ZPBP: variants seen among roughly 807,000 people sequenced by gnomAD.
ZPBP encodes the protein zona pellucida binding protein.
ZPBP carries 26 observed loss-of-function variants against 44.8 expected under a neutral mutation model. The observed-to-expected ratio is 0.58, with a 90% CI of 0.43 to 0.81. The LOEUF is 0.81. Ranked by LOEUF, ZPBP falls within the 30% of genes least tolerant of loss-of-function variation. The pLI is 0.00. For missense variants in ZPBP, 409 were observed against 434.0 expected (o/e 0.94, Z 0.51); for synonymous variants, 174 against 153.2 (o/e 1.14, Z -1.00).
At chr7:50,072,603 C>A (rs1223937980) in intron 3 of ZPBP, among the ~76,000 whole-genome samples, 1 of 152,200 alleles carries the variant, frequency 6.6e-6, no homozygotes, top group Non-Finnish European at 1.5e-5. Context: ...TATTGTCACT[C>A]AACCTCCAAC....
chr7:50,008,179 G>T (rs763804036), intron 6 of ZPBP, among the ~76,000 whole-genome samples: 1 of 151,964 alleles, frequency 6.6e-6, no homozygotes, highest in Non-Finnish European at 1.5e-5. Flanking sequence ...CTGCAAACTT[G>T]CAGGACAGTA....
At chr7:49,848,259 CAG>C (rs548567978), downstream of ZPBP, among the ~76,000 whole-genome samples, 108 of 152,288 alleles carry the variant, frequency 7.1e-4, 1 homozygote, top group Middle Eastern at 3.4e-3. Context: ...ACTAGCTGTC[CAG>C]AGAGTGTCAC....
chr7:49,925,726 G>C (rs1269747910), intron 1 of ZPBP, among the ~76,000 whole-genome samples: 1 of 152,176 alleles, frequency 6.6e-6, no homozygotes, highest in African/African-American at 2.4e-5. Context: ...CAGTCTTTTG[G>C]TCTTTCCTTC....
chr7:50,089,196 T>C (rs1224768658), intron 2 of ZPBP, among the ~76,000 whole-genome samples: 2 of 152,108 alleles, frequency 1.3e-5, no homozygotes, highest in African/African-American at 2.4e-5. Flanking sequence ...AATTGAATTG[T>C]GCACTTTAAA....
At chr7:50,081,541 A>G (rs1456391340) in intron 3 of ZPBP, among the ~76,000 whole-genome samples, 1 of 151,832 alleles carries the variant, frequency 6.6e-6, no homozygotes, top group Non-Finnish European at 1.5e-5. Flanking sequence ...GGGGGATTAT[A>G]GATGCTTTGA....
chr7:50,008,911 A>C (rs1042416049), intron 6 of ZPBP, among the ~76,000 whole-genome samples: 2 of 151,998 alleles, frequency 1.3e-5, no homozygotes, highest in Non-Finnish European at 2.9e-5. Context: ...CACAGTGCTC[A>C]TTTTGCAATA....
rs192000319 is a variant in ZPBP at position 50,050,853 on chromosome 7, T to C, written c.487+7136A>G. ...AAACCCTAGAAGAAAACCTAGGCAA[T>C]ACCATTCAGGACATAGGCACAGGCA... On this transcript the variant is annotated intron_variant, in intron 4 of 7. Transcript: ENST00000046087. Among the ~76,000 whole-genome samples the C allele has an allele frequency of 4.8e-3, 412 of 86,732 alleles. 3 individuals carry two copies. Among genetic ancestry groups the C allele is most frequent in the African/African-American group, 0.017 (381 of 22,300 alleles). The allele number at this position is 86,732 out of a possible 152,430, so 56.9% of individuals were successfully genotyped here. A position where few individuals can be genotyped will look rare whatever the true frequency, so the allele number is the denominator to read the frequency against.
At chr7:50,088,639 A>G (rs891483312) in intron 2 of ZPBP, among the ~76,000 whole-genome samples, 1 of 152,040 alleles carries the variant, frequency 6.6e-6, no homozygotes, top group Admixed American at 6.6e-5. Context: ...ATATCCATAC[A>G]GCCACAAAGC....
In ZPBP at chr7:50,093,098, A is replaced by C. The variant is rs762922010; in HGVS notation, c.97T>G (p.Ser33Ala). ...GAGGGCACCCGCACCAGGAAGGCGG[A>C]GATAAAGAGGAGGATGGCGGCCCGA... is the stretch of plus-strand genomic sequence containing the variant. The part of the protein sequence containing the change: ...LSRAAILLFI[S>A]AFLVRVPSSV... The change falls in exon 1 of 8, where the codon TCC becomes GCC. Residue 33 changes from serine to alanine, a missense_variant. Ser to Ala is a moderately conservative substitution (Grantham distance 99). Transcript: ENST00000046087. 3.3e-5 allele frequency: 52 copies of C among 1,598,976 alleles called. No homozygotes were observed. The African/African-American group carries it at 6.6e-4, about 20-fold the overall frequency.
chr7:50,010,837 A>T lies in ZPBP; in HGVS notation c.783+7403T>A, dbSNP rs538930487. Among the ~76,000 whole-genome samples, 88 of 151,578 alleles carry T rather than the reference A, an allele frequency of 5.8e-4. 1 individual carries two copies. Among genetic ancestry groups the T allele is most frequent in the Non-Finnish European group, 7.2e-4 (49 of 67,922 alleles). On this transcript the variant is annotated intron_variant, in intron 6 of 7. Coordinates refer to ENST00000046087, the MANE Select transcript of ZPBP (RefSeq NM_007009.3). ...AAATACCATCATCATTCTTCAGAGA[A>T]CTAGAAAAAATAATCCTAAAATTTA...
At chr7:49,873,359 G>C (rs1736313249) in intron 2 of ZPBP, among the ~76,000 whole-genome samples, 1 of 152,162 alleles carries the variant, frequency 6.6e-6, no homozygotes, top group South Asian at 2.1e-4. Flanking sequence ...AATGGAGGGA[G>C]AGCAGGAGCT....
chr7:49,908,395 T>A (rs939793893), intron 1 of ZPBP, among the ~76,000 whole-genome samples: 2 of 152,118 alleles, frequency 1.3e-5, no homozygotes, highest in Admixed American at 1.3e-4. Flanking sequence ...CAGGTCTTAG[T>A]GTAAAATGAG....
chr7:50,073,637 G>C (rs894101059), intron 3 of ZPBP, among the ~76,000 whole-genome samples: 17 of 151,982 alleles, frequency 1.1e-4, no homozygotes, highest in African/African-American at 4.1e-4. Context: ...AAAGGTTAAA[G>C]AATGGATCCA....
the ZPBP span, among the ~76,000 whole-genome samples, chr7:49,842,343 AACTT>A: frequency 6.6e-6 from 1 of 152,328 alleles, no homozygotes; most frequent in East Asian, 1.9e-4. Context: ...TGTATACTTT[AACTT>A]ACTTAAAAGT....
intron 2 of ZPBP, among the ~76,000 whole-genome samples, chr7:49,851,016 C>G (rs1210042426): frequency 6.6e-6 from 1 of 152,214 alleles, no homozygotes; most frequent in Non-Finnish European, 1.5e-5. Flanking sequence ...GTCCGCAATT[C>G]TGCAGGCCAG....
intron 2 of ZPBP, among the ~76,000 whole-genome samples, chr7:49,865,913 T>C (rs1790864853): frequency 6.6e-6 from 1 of 152,226 alleles, no homozygotes; most frequent in South Asian, 2.1e-4. Flanking sequence ...CTTAAGATTC[T>C]TACAAGCCCA....
chr7:49,937,331 T>C (rs143696681), downstream of ZPBP: 2,336 of 533,840 alleles, frequency 4.4e-3, 40 homozygotes, highest in African/African-American at 0.039. Context: ...TTTAGAATCA[T>C]ATGTAGGTTT....
rs1314407720 is a variant in ZPBP, at chr7:49,860,958, GAAA to G, written n.510-10447_510-10445del. ...GGACTTTCTGCCTTTAGAACCATGA[GAAA>G]ATACATTTCTATTATTTAAGCAAAC... On this transcript the variant is annotated intron_variant and non_coding_transcript_variant, in intron 2 of 2. Coordinates refer to the ZPBP transcript ENST00000465922. Among the ~76,000 whole-genome samples, 5 of 152,152 alleles carry G rather than the reference GAAA, an allele frequency of 3.3e-5. No homozygotes were observed. The East Asian group carries it at 9.6e-4, about 29-fold the overall frequency.
chr7:50,084,193 G>A (rs1275303809), intron 2 of ZPBP, among the ~76,000 whole-genome samples: 2 of 151,830 alleles, frequency 1.3e-5, no homozygotes, highest in African/African-American at 4.8e-5. Context: ...ATAAGGATGT[G>A]GGAAAATGGG....
Sources: gnomAD v4.1 joint callset for allele counts (sites outside exome capture counted in the v4.1 genomes callset) on GRCh38, gnomAD v4.1.1 for gene constraint, MANE v1.5 for transcripts, NCBI Gene and HGNC (gene_info 2026-07-23, HGNC 2026-07-21) for gene names.